Variants in RAP1GAP2 observed in about 807,000 individuals in gnomAD.
RAP1GAP2 encodes the protein rap1 GTPase-activating protein 2.
In RAP1GAP2, 27 loss-of-function variants were observed where a neutral mutation model predicts 95.0. The observed-to-expected ratio is 0.28, with a 90% CI of 0.21 to 0.39. The LOEUF (loss-of-function observed/expected upper bound fraction) is 0.39, where lower values mean the gene tolerates loss of function less well. RAP1GAP2 is among the 10% of genes least tolerant of loss of function. The probability of loss-of-function intolerance (pLI) is 1.00; values close to 1 mark genes in which losing one functional copy is unlikely to be tolerated. For missense variants in RAP1GAP2, 771 were observed against 970.0 expected (o/e 0.79, Z 2.72); for synonymous variants, 373 against 380.9 (o/e 0.98, Z 0.24).
At chr17:2,865,240 A>G (rs1340476797) in intron 2 of RAP1GAP2, among the ~76,000 whole-genome samples, 3 of 152,192 alleles carry the variant, frequency 2.0e-5, no homozygotes, top group East Asian at 3.8e-4. Flanking sequence ...TGTCCTGGTC[A>G]AGACTCCAAA....
At chr17:2,880,493 A>G (rs1378283857) in intron 2 of RAP1GAP2, among the ~76,000 whole-genome samples, 1 of 150,218 alleles carries the variant, frequency 6.7e-6, no homozygotes, top group African/African-American at 2.5e-5. Flanking sequence ...CACATCACAC[A>G]CAGTGTCTCA....
At position 3,036,723 on chromosome 17, in the gene RAP1GAP2, A is replaced by G. The variant is rs2047474814; in HGVS notation, c.*3362A>G. ...GCTTCCCTTTTCCTAAATTAAGAGGAAAAGTGGTCAAAGAAAAACTCTTCA... is the reference window on the plus strand; with the variant it reads ...GCTTCCCTTTTCCTAAATTAAGAGGGAAAGTGGTCAAAGAAAAACTCTTCA... On this transcript the variant is annotated 3_prime_UTR_variant, in exon 25 of 25. Transcript: ENST00000254695. The G allele has an allele frequency of 6.6e-6, 1 of 152,552 alleles. No individual in the cohort carries two copies. The highest frequency in any genetic ancestry group is 1.5e-5 in the Non-Finnish European group (1 of 68,050). The allele number at this position is 152,552 out of a possible 1,614,324, so 9.4% of individuals were successfully genotyped here. A position where few individuals can be genotyped will look rare whatever the true frequency, so the allele number is the denominator to read the frequency against.
At chr17:2,884,061 C>T (rs146984513) in intron 2 of RAP1GAP2, among the ~76,000 whole-genome samples, 218 of 152,312 alleles carry the variant, frequency 1.4e-3, no homozygotes, top group African/African-American at 4.5e-3. Context: ...CTGGGCCAGT[C>T]GGGAATCTCT....
chr17:2,872,927 A>G (rs1417991368), intron 2 of RAP1GAP2, among the ~76,000 whole-genome samples: 1 of 151,842 alleles, frequency 6.6e-6, no homozygotes, highest in Non-Finnish European at 1.5e-5. Flanking sequence ...GCCTCCCAAA[A>G]GTGGGACTCT....
intron 3 of RAP1GAP2, among the ~76,000 whole-genome samples, chr17:2,953,312 G>T (rs529733624): frequency 5.3e-4 from 80 of 151,740 alleles, no homozygotes; most frequent in African/African-American, 1.8e-3. Context: ...AACCCTCCTT[G>T]CCTCAGCCTC....
At chr17:2,942,103 G>A (rs895224071) in intron 3 of RAP1GAP2, among the ~76,000 whole-genome samples, 1 of 152,172 alleles carries the variant, frequency 6.6e-6, no homozygotes, top group Non-Finnish European at 1.5e-5. Flanking sequence ...ATGCACGTGA[G>A]ATGCTGAGTT....
At chr17:2,864,358 GT>G (rs1427101632) in intron 2 of RAP1GAP2, among the ~76,000 whole-genome samples, 1 of 152,214 alleles carries the variant, frequency 6.6e-6, no homozygotes, top group Admixed American at 6.5e-5. Context: ...CACATACTTT[GT>G]TTTTTCCTTT....
intron 2 of RAP1GAP2, among the ~76,000 whole-genome samples, chr17:2,897,582 A>G (rs1017677053): frequency 1.3e-5 from 2 of 151,740 alleles, no homozygotes; most frequent in Admixed American, 6.6e-5. Flanking sequence ...CTGGTCTCGA[A>G]CTCCTGACCT....
chr17:2,999,537 C>T (rs1001329161), intron 14 of RAP1GAP2, among the ~76,000 whole-genome samples: 5 of 152,150 alleles, frequency 3.3e-5, no homozygotes, highest in Admixed American at 3.3e-4. Context: ...AAAATGTTTC[C>T]CGTCAAATAA....
In RAP1GAP2 at chr17:2,796,788, C is replaced by G. The variant is rs759065598; in HGVS notation, c.44+217C>G. ...CCTGGGCACAATCTGCTGGCGAATCCTGGAGGTCTGCGCCGGCTGCCCGTG... is the reference window on the plus strand; with the variant it reads ...CCTGGGCACAATCTGCTGGCGAATCGTGGAGGTCTGCGCCGGCTGCCCGTG... On this transcript the variant is annotated intron_variant, in intron 1 of 24. Coordinates refer to ENST00000254695, the MANE Select transcript of RAP1GAP2 (RefSeq NM_015085.5). This position sits in a 1 kb window ranked among gnomAD's most constrained non-coding sequence, Gnocchi z 4.7. Among the ~76,000 whole-genome samples, 2 of 152,150 alleles carry G rather than the reference C, an allele frequency of 1.3e-5. No individual in the cohort carries two copies. The highest frequency in any genetic ancestry group is 2.9e-5 in the Non-Finnish European group (2 of 68,030).
At chr17:3,010,330 C>G (rs1432665086) in intron 17 of RAP1GAP2, among the ~76,000 whole-genome samples, 1 of 101,242 alleles carries the variant, frequency 9.9e-6, no homozygotes, top group Non-Finnish European at 1.8e-5. Context: ...CAGGGCGAGA[C>G]TGTCTCAAAA....
At chr17:2,793,884 G>A (rs909640568), upstream of RAP1GAP2, among the ~76,000 whole-genome samples, 18 of 151,808 alleles carry the variant, frequency 1.2e-4, no homozygotes, top group Non-Finnish European at 1.8e-4. Context: ...GTGGATCACC[G>A]GAGGTCAGGA....
At chr17:2,935,282 T>G (rs1597655110) in intron 3 of RAP1GAP2, among the ~76,000 whole-genome samples, 1 of 152,092 alleles carries the variant, frequency 6.6e-6, no homozygotes, top group African/African-American at 2.4e-5. Flanking sequence ...CCGCAGCAGG[T>G]GGATCACCTG....
rs903444071 is a variant in RAP1GAP2 at position 2,871,040 on chromosome 17, C to T, written c.81-34244C>T. On this transcript the variant is annotated intron_variant, in intron 2 of 24. Transcript: ENST00000254695. The surrounding 1 kb of genome is among the most constrained non-coding windows in gnomAD (Gnocchi z 5.0). Reference sequence around the variant, plus strand: ...GTGCGATCTTGGCTTACTGCAACCTCCGCCTCCTGGGTTCAAGTGATTCTC... The same window carrying T: ...GTGCGATCTTGGCTTACTGCAACCTTCGCCTCCTGGGTTCAAGTGATTCTC... 6.6e-6 allele frequency among the ~76,000 whole-genome samples: 1 copy of T among 152,254 alleles called. No homozygotes were observed. The highest frequency in any genetic ancestry group is 1.5e-5 in the Non-Finnish European group (1 of 68,046).
rs181138594 is a variant in RAP1GAP2, at chr17:2,950,808, A to C, written c.166-6951A>C. On this transcript the variant is annotated intron_variant, in intron 3 of 24. Coordinates refer to ENST00000254695, the MANE Select transcript of RAP1GAP2 (RefSeq NM_015085.5). ...GTATTTTTAGTAGAGATGGGGTTTC[A>C]TCATGTTGGCCAGGCTGGTCTTGAA... Among the ~76,000 whole-genome samples, 832 of 151,922 alleles carry C rather than the reference A, an allele frequency of 5.5e-3. 6 individuals are homozygous for C. Among genetic ancestry groups the C allele is most frequent in the African/African-American group, 0.019 (767 of 41,416 alleles).
At position 2,866,288 on chromosome 17, in the gene RAP1GAP2, G is replaced by A. The variant is rs541772758; in HGVS notation, c.81-38996G>A. Among the ~76,000 whole-genome samples, 132 of 152,342 alleles carry A rather than the reference G, an allele frequency of 8.7e-4. 2 individuals carry two copies. The highest frequency in any genetic ancestry group is 6.4e-3 in the South Asian group (31 of 4,828). On this transcript the variant is annotated intron_variant, in intron 2 of 24. Transcript: ENST00000254695. This position sits in a 1 kb window ranked among gnomAD's most constrained non-coding sequence, Gnocchi z 4.0. ...TGGTGTGGATTCCCTGCTGGGGAAC[G>A]TGGGAGATGAGGCTGTTAGGGCGGC...
chr17:2,794,856 G>A (rs959244245), upstream of RAP1GAP2, among the ~76,000 whole-genome samples: 3 of 148,728 alleles, frequency 2.0e-5, no homozygotes, highest in African/African-American at 7.4e-5. Flanking sequence ...GCACCAGCTA[G>A]GGCCGTTTTT....
chr17:2,846,199 A>G (rs1036409090), intron 2 of RAP1GAP2, among the ~76,000 whole-genome samples: 1 of 151,982 alleles, frequency 6.6e-6, no homozygotes, highest in African/African-American at 2.4e-5. Flanking sequence ...AAAAAAAAAA[A>G]AAAGTTCTCA....
At chr17:2,856,061 A>G (rs771271303) in intron 2 of RAP1GAP2, among the ~76,000 whole-genome samples, 32 of 152,296 alleles carry the variant, frequency 2.1e-4, no homozygotes, top group Non-Finnish European at 3.1e-4. Context: ...CTGGAGTGCA[A>G]TGTTCCAGGG....
Sources: gnomAD v4.1 joint callset for allele counts (sites outside exome capture counted in the v4.1 genomes callset) on GRCh38, gnomAD v4.1.1 for gene constraint, Gnocchi (gnomAD v3.1) non-coding constraint, MANE v1.5 for transcripts, NCBI Gene and HGNC (gene_info 2026-07-23, HGNC 2026-07-21) for gene names.